The following GRM7 variants were observed in gnomAD, a reference collection of about 807,000 sequenced individuals.
GRM7 encodes glutamate metabotropic receptor 7.
Under a neutral mutation model 84.5 loss-of-function variants are expected in GRM7, and 35 were observed. The ratio of observed to expected loss-of-function variants is 0.41; its 90% CI spans 0.32 to 0.55. GRM7 has a LOEUF of 0.55. Ranked by LOEUF, GRM7 falls within the 20% of genes least tolerant of loss-of-function variation. GRM7 has a pLI of 0.19. For synonymous variants in GRM7, 487 were observed against 455.1 expected (o/e 1.07, Z -0.89); for missense variants, 1,003 against 1,194.6 (o/e 0.84, Z 2.36).
At chr3:7,283,916 A>AACC (rs1363720800) in intron 2 of GRM7, among the ~76,000 whole-genome samples, 4 of 152,214 alleles carry the variant, frequency 2.6e-5, no homozygotes, top group Non-Finnish European at 1.5e-5. Context: ...AAGCTGATTC[A>AACC]AACAACATAT....
intron 8 of GRM7, among the ~76,000 whole-genome samples, chr3:7,670,856 G>A (rs1205188407): frequency 1.3e-5 from 2 of 152,126 alleles, no homozygotes; most frequent in African/African-American, 4.8e-5. Flanking sequence ...CTACAAAAAG[G>A]CTAGTAGTTC....
intron 1 of GRM7, among the ~76,000 whole-genome samples, chr3:7,041,498 A>G (rs567285650): frequency 4.6e-5 from 7 of 152,246 alleles, no homozygotes; most frequent in Non-Finnish European, 1.0e-4. Flanking sequence ...TTGTATGAAC[A>G]TACCACAATT....
chr3:7,550,571 CTCTCTCTGTGTG>C (rs759300722), intron 7 of GRM7, among the ~76,000 whole-genome samples: 1,434 of 86,954 alleles, frequency 0.016, 19 homozygotes, highest in African/African-American at 0.049. Flanking sequence ...CTCTCTCTCT[CTCTCTCTGTGTG>C]TGTGTGTGTG....
chr3:7,099,087 A>G (rs1698958582), intron 1 of GRM7, among the ~76,000 whole-genome samples: 1 of 151,604 alleles, frequency 6.6e-6, no homozygotes, highest in South Asian at 2.1e-4. Flanking sequence ...TTTCAGGCAT[A>G]ATGTTCTTTA....
intron 2 of GRM7, among the ~76,000 whole-genome samples, chr3:7,245,504 T>G (rs1559524591): frequency 6.6e-6 from 1 of 151,868 alleles, no homozygotes; most frequent in Non-Finnish European, 1.5e-5. Context: ...ATCCTTAAAA[T>G]GGCAAATTAT....
At chr3:7,409,595 TTTGTTTTGTTTTG>T (rs1695831646) in intron 4 of GRM7, among the ~76,000 whole-genome samples, 1 of 151,600 alleles carries the variant, frequency 6.6e-6, no homozygotes, top group African/African-American at 2.4e-5. Flanking sequence ...TTTGTTTTGT[TTTGTTTTGTTTTG>T]TTTTGTTTTT....
At chr3:7,251,986 A>G (rs940150719) in intron 2 of GRM7, among the ~76,000 whole-genome samples, 1 of 152,180 alleles carries the variant, frequency 6.6e-6, no homozygotes, top group African/African-American at 2.4e-5. Flanking sequence ...TAGGAGTAAT[A>G]TTTAAAGTGG....
intron 1 of GRM7, among the ~76,000 whole-genome samples, chr3:6,981,477 A>G (rs2124832865): frequency 6.6e-6 from 1 of 152,294 alleles, no homozygotes; most frequent in East Asian, 1.9e-4. Context: ...ATTGTCTCGT[A>G]TCCAGAGGCT....
rs987534040 is a variant in GRM7 at position 7,188,231 on chromosome 3, A to G, written c.736+41563A>G. 3.9e-5 allele frequency among the ~76,000 whole-genome samples: 6 copies of G among 152,186 alleles called. No homozygotes were observed. The highest frequency in any genetic ancestry group is 3.9e-4 in the Admixed American group (6 of 15,268). ...ACTGGCAGCAAGAGGGAAGATCAGC[A>G]TTATCAGCCTGCAGAAGAGCCAAAA... On this transcript the variant is annotated intron_variant, in intron 2 of 9. Coordinates refer to ENST00000357716, the MANE Select transcript of GRM7 (RefSeq NM_000844.4). This position sits in a 1 kb window ranked among gnomAD's most constrained non-coding sequence, Gnocchi z 4.2.
intron 1 of GRM7, among the ~76,000 whole-genome samples, chr3:6,936,720 C>T (rs558642502): frequency 2.6e-5 from 4 of 152,284 alleles, no homozygotes; most frequent in East Asian, 1.9e-4. Flanking sequence ...CCCCTTTCCA[C>T]GACATTCTAT....
At chr3:7,157,424 A>G (rs1314486432) in intron 2 of GRM7, among the ~76,000 whole-genome samples, 1 of 152,160 alleles carries the variant, frequency 6.6e-6, no homozygotes, top group East Asian at 1.9e-4. Flanking sequence ...AAAAATTAAT[A>G]GTGATATAAA....
In GRM7 at chr3:7,487,796, T is replaced by C. The variant is rs575319509; in HGVS notation, c.1515+26074T>C. 2.6e-4 allele frequency among the ~76,000 whole-genome samples: 40 copies of C among 152,290 alleles called. No homozygotes were observed. In the South Asian group the frequency reaches 7.9e-3, roughly 30 times the overall value. On this transcript the variant is annotated intron_variant, in intron 7 of 9. Transcript: ENST00000357716. ...CCCCAGAGAGCCTTCACTAAAACAA[T>C]GCTGAATGGATATGTGAGGCTGAAG...
At chr3:7,158,641 G>A (rs1574972971) in intron 2 of GRM7, among the ~76,000 whole-genome samples, 1 of 152,164 alleles carries the variant, frequency 6.6e-6, no homozygotes, top group East Asian at 1.9e-4. Flanking sequence ...AACATTATCG[G>A]GCATCTCTCC....
chr3:7,043,661 A>G (rs1310494733), intron 1 of GRM7, among the ~76,000 whole-genome samples: 1 of 152,222 alleles, frequency 6.6e-6, no homozygotes, highest in Non-Finnish European at 1.5e-5. Context: ...GCCATGGAGC[A>G]TCTCTCCTGA....
intron 1 of GRM7, among the ~76,000 whole-genome samples, chr3:7,106,386 A>G (rs964136324): frequency 4.5e-4 from 69 of 151,780 alleles, no homozygotes; most frequent in African/African-American, 1.5e-3. Flanking sequence ...TATAGACCCA[A>G]TTCATGTTCC....
At chr3:7,493,947 G>T (rs1327808691) in intron 7 of GRM7, among the ~76,000 whole-genome samples, 1 of 151,806 alleles carries the variant, frequency 6.6e-6, no homozygotes, top group Non-Finnish European at 1.5e-5. Context: ...TTCCATTTAG[G>T]TCCCTTTCTT....
At chr3:7,517,853 C>A (rs991037190) in intron 7 of GRM7, among the ~76,000 whole-genome samples, 33 of 152,334 alleles carry the variant, frequency 2.2e-4, no homozygotes, top group African/African-American at 7.7e-4. Flanking sequence ...TTCCCAAGCT[C>A]GTCCAGCTGA....
chr3:7,518,255 G>A (rs547688706), intron 7 of GRM7, among the ~76,000 whole-genome samples: 5 of 152,296 alleles, frequency 3.3e-5, no homozygotes, highest in African/African-American at 7.2e-5. Flanking sequence ...TTTCCAAGGC[G>A]TCAGGGAATT....
At chr3:7,076,080 C>T (rs1698067300) in intron 1 of GRM7, among the ~76,000 whole-genome samples, 1 of 152,008 alleles carries the variant, frequency 6.6e-6, no homozygotes, top group African/African-American at 2.4e-5. Context: ...GTGTTCCTGC[C>T]ATGTGTGAGG....
Sources: gnomAD v4.1 joint callset for allele counts (sites outside exome capture counted in the v4.1 genomes callset) on GRCh38, gnomAD v4.1.1 for gene constraint, Gnocchi (gnomAD v3.1) non-coding constraint, MANE v1.5 for transcripts, NCBI Gene and HGNC (gene_info 2026-07-23, HGNC 2026-07-21) for gene names.